The following SLC1A1 variants were observed in gnomAD, a reference collection of about 807,000 sequenced individuals.
SLC1A1 encodes the protein solute carrier family 1 member 1.
SLC1A1 carries 43 observed loss-of-function variants against 53.3 expected under a neutral mutation model. The observed-to-expected ratio is 0.81, with a 90% confidence interval of 0.63 to 1.04. The LOEUF is 1.04. Among genes scored for constraint, SLC1A1 ranks in the 50% least tolerant of loss-of-function variants. SLC1A1 has a pLI of 0.00. For synonymous variants in SLC1A1, 307 were observed against 243.2 expected, an observed-to-expected ratio of 1.26 and a Z score of -2.44; for missense variants, 748 against 664.9, an observed-to-expected ratio of 1.12 and a Z score of -1.37.
intron 6 of SLC1A1, among the ~76,000 whole-genome samples, chr9:4,568,727 A>T (rs1318453475): frequency 6.6e-6 from 1 of 151,888 alleles, no homozygotes; most frequent in African/African-American, 2.4e-5. Flanking sequence ...CACACAAAAA[A>T]GCATCATATT....
At chr9:4,544,865 G>T (rs750833192) in intron 2 of SLC1A1, among the ~76,000 whole-genome samples, 158 bp downstream of exon 2, 1 of 152,196 alleles carries the variant, frequency 6.6e-6, no homozygotes, top group Admixed American at 6.5e-5. Flanking sequence ...ATGGCGGAAG[G>T]CAAAGGGGAA....
At position 4,516,641 on chromosome 9, in the gene SLC1A1, T is replaced by C. The variant is rs1314659044; in HGVS notation, c.91+25871T>C. 2.0e-5 allele frequency among the ~76,000 whole-genome samples: 3 copies of C among 152,234 alleles called. No individual in the cohort carries two copies. The East Asian group carries it at 5.8e-4, about 29-fold the overall frequency. ...AGCTGTCAACTGCCTGATTTCCCTA[T>C]GCTAATCCATTCTACACATTTTAAC... On this transcript the variant is annotated intron_variant, in intron 1 of 11. Coordinates refer to ENST00000262352, the MANE Select transcript of SLC1A1 (RefSeq NM_004170.6).
rs924576369 is a variant in SLC1A1 at position 4,573,805 on chromosome 9, G to C, written c.768-102G>C. The C allele has an allele frequency of 1.2e-5, 10 of 809,736 alleles. No homozygotes were observed. The African/African-American group carries it at 1.5e-4, about 12-fold the overall frequency. 50.2% of individuals were successfully genotyped at this position (809,736 alleles called of 1,614,324 possible). A position where few individuals can be genotyped will look rare whatever the true frequency, so the allele number is the denominator to read the frequency against. On this transcript the variant is annotated intron_variant, in intron 7 of 11. Coordinates refer to ENST00000262352, the MANE Select transcript of SLC1A1 (RefSeq NM_004170.6). The stretch of plus-strand genomic sequence containing the variant: ...ATCCTGTGCTCCACCAAGTGTGCAT[G>C]CCAAGCTGAGGGTGCCCACACTGGA...
chr9:4,505,357 C>CT (rs1820770557), intron 1 of SLC1A1, among the ~76,000 whole-genome samples: 1 of 151,912 alleles, frequency 6.6e-6, no homozygotes, highest in Non-Finnish European at 1.5e-5. Flanking sequence ...CCCATATTTC[C>CT]TTTTTTTATA....
chr9:4,528,289 G>A (rs1816335932), intron 1 of SLC1A1, among the ~76,000 whole-genome samples: 1 of 152,132 alleles, frequency 6.6e-6, no homozygotes, highest in African/African-American at 2.4e-5. Context: ...ATGCAAGTTA[G>A]GAGGTGGGCA....
intron 1 of SLC1A1, among the ~76,000 whole-genome samples, chr9:4,518,919 C>A (rs528017520): frequency 1.6e-4 from 25 of 152,302 alleles, no homozygotes; most frequent in African/African-American, 6.0e-4. Context: ...TAGAGGCTGT[C>A]CTTTATGCTC....
At chr9:4,548,585 G>A (rs1356406144) in intron 2 of SLC1A1, among the ~76,000 whole-genome samples, 2 of 152,096 alleles carry the variant, frequency 1.3e-5, no homozygotes, top group Non-Finnish European at 2.9e-5. Flanking sequence ...AAAACAGGAA[G>A]AACCCCTTTT....
intron 6 of SLC1A1, among the ~76,000 whole-genome samples, chr9:4,569,950 T>C (rs1819867355): frequency 6.6e-6 from 1 of 152,172 alleles, no homozygotes; most frequent in Non-Finnish European, 1.5e-5. Context: ...TCAGGAAGAA[T>C]GGGATGTTTG....
chr9:4,575,108 G>C (rs977220262), intron 8 of SLC1A1, among the ~76,000 whole-genome samples: 2 of 152,284 alleles, frequency 1.3e-5, no homozygotes, highest in African/African-American at 4.8e-5. Flanking sequence ...ACCCCAGCTA[G>C]GTGTCTAACA....
chr9:4,493,858 A>T (rs927208520), intron 1 of SLC1A1, among the ~76,000 whole-genome samples: 14 of 152,248 alleles, frequency 9.2e-5, no homozygotes, highest in Non-Finnish European at 1.9e-4. Flanking sequence ...GCCAGCTTAA[A>T]GCCTGATTTT....
At chr9:4,572,054 TG>T (rs749101561) in intron 6 of SLC1A1, 149 bp from the exon 7 acceptor site, 11 of 678,296 alleles carry the variant, frequency 1.6e-5, no homozygotes, top group Non-Finnish European at 2.3e-5. Context: ...TTTTTATTAT[TG>T]TTTTTATATT....
At position 4,564,411 on chromosome 9, in the gene SLC1A1, C is replaced by G; in HGVS notation, c.393C>G (p.Gly131=). ...AAGTGGGTGAAATTGCGAGGACAGGCAGCACCCCTGAAGTCAGTACGGTGG... is the reference window on the plus strand; with the variant it reads ...AAGTGGGTGAAATTGCGAGGACAGGGAGCACCCCTGAAGTCAGTACGGTGG... The part of the protein sequence containing the change: ...TQKVGEIART[G]STPEVSTVDA... The change falls in exon 4 of 12, where the codon GGC becomes GGG. Residue 131 remains glycine, a synonymous_variant. Coordinates refer to ENST00000262352, the MANE Select transcript of SLC1A1 (RefSeq NM_004170.6). The G allele has an allele frequency of 1.9e-6, 3 of 1,613,802 alleles. No individual in the cohort carries two copies. The highest frequency in any genetic ancestry group is 2.5e-6 in the Non-Finnish European group (3 of 1,179,832).
intron 1 of SLC1A1, among the ~76,000 whole-genome samples, chr9:4,508,913 T>G (rs1314282139): frequency 6.6e-6 from 1 of 152,156 alleles, no homozygotes; most frequent in Non-Finnish European, 1.5e-5. Context: ...AGACAAATGC[T>G]TCTGCCTTGG....
chr9:4,552,021 G>A (rs764435454), intron 2 of SLC1A1, among the ~76,000 whole-genome samples: 29 of 152,228 alleles, frequency 1.9e-4, no homozygotes, highest in Non-Finnish European at 3.8e-4. Context: ...TCCTGAGACA[G>A]TGAAGCCCAG....
intron 2 of SLC1A1, among the ~76,000 whole-genome samples, chr9:4,548,007 G>GT (rs1268968270): frequency 6.6e-6 from 1 of 151,978 alleles, no homozygotes; most frequent in Non-Finnish European, 1.5e-5. Flanking sequence ...AAACCAAAAG[G>GT]TTAACATCCA....
chr9:4,576,004 T>G lies in SLC1A1; in HGVS notation c.879T>G (p.Leu293=). The change falls in exon 9 of 12, where the codon CTT becomes CTG. Residue 293 remains leucine (L), a synonymous_variant. Coordinates refer to ENST00000262352, the MANE Select transcript of SLC1A1 (RefSeq NM_004170.6). ...GLYMATVLTG[L]AIHSIVILPL... ...AATTTCTCTTTCTTGTTTACAGGCTTGCAATCCACTCCATTGTAATTCTCC... is the reference window on the plus strand; with the variant it reads ...AATTTCTCTTTCTTGTTTACAGGCTGGCAATCCACTCCATTGTAATTCTCC... The G allele has an allele frequency of 6.2e-7, 1 of 1,614,108 alleles. No homozygotes were observed. The highest frequency in any genetic ancestry group is 1.3e-5 in the African/African-American group (1 of 75,074).
At chr9:4,517,949 C>T (rs1018415592) in intron 1 of SLC1A1, among the ~76,000 whole-genome samples, 6 of 152,062 alleles carry the variant, frequency 3.9e-5, no homozygotes, top group Admixed American at 3.3e-4. Flanking sequence ...AAGTTGTAGC[C>T]GAGCACGGTG....
intron 1 of SLC1A1, among the ~76,000 whole-genome samples, chr9:4,539,416 C>G (rs1408455352): frequency 6.6e-6 from 1 of 152,134 alleles, no homozygotes; most frequent in Non-Finnish European, 1.5e-5. Flanking sequence ...TGAGACAAGG[C>G]TGTGGACTGG....
intron 1 of SLC1A1, among the ~76,000 whole-genome samples, chr9:4,538,790 G>A (rs578134507): frequency 6.6e-6 from 1 of 152,236 alleles, no homozygotes. Context: ...AGGAAGAGAT[G>A]AGAAAGGGAT....
Sources: allele counts gnomAD v4.1 joint callset (sites outside exome capture counted in the v4.1 genomes callset), GRCh38; gene constraint gnomAD v4.1.1; transcripts MANE v1.5; gene names NCBI Gene and HGNC (gene_info 2026-07-23, HGNC 2026-07-21).